Variants in LARGE1 observed in about 807,000 individuals in gnomAD.
LARGE1 encodes LARGE xylosyl- and glucuronyltransferase 1.
In LARGE1, 43 loss-of-function variants were observed where a neutral mutation model predicts 87.6. The observed-to-expected ratio is 0.49, with a 90% CI of 0.38 to 0.63. LARGE1 has a LOEUF of 0.63. Ranked by LOEUF, LARGE1 falls within the 30% of genes least tolerant of loss-of-function variation. The pLI, the probability that LARGE1 is intolerant of heterozygous loss-of-function variation, is 0.00. For synonymous variants in LARGE1, 434 were observed against 394.6 expected (o/e 1.10, Z -1.18); for missense variants, 802 against 1,000.2 (o/e 0.80, Z 2.67).
chr22:33,332,875 C>T (rs957547243), intron 10 of LARGE1, among the ~76,000 whole-genome samples: 2 of 152,194 alleles, frequency 1.3e-5, no homozygotes, highest in African/African-American at 4.8e-5. Context: ...CTTGTCTTGA[C>T]TTATGAGTGC....
chr22:33,083,547 GTC>G, the LARGE1 span, among the ~76,000 whole-genome samples: 2 of 152,204 alleles, frequency 1.3e-5, no homozygotes, highest in Admixed American at 1.3e-4. Flanking sequence ...AACTGACAGA[GTC>G]TCTGTTTCAC....
the LARGE1 span, among the ~76,000 whole-genome samples, chr22:33,080,623 T>C: frequency 6.6e-6 from 1 of 152,232 alleles, no homozygotes; most frequent in Non-Finnish European, 1.5e-5. Context: ...AGAATCAGAA[T>C]ACTGGTGAAC....
the LARGE1 span, among the ~76,000 whole-genome samples, chr22:33,072,797 C>G: frequency 2.6e-5 from 4 of 152,176 alleles, no homozygotes; most frequent in African/African-American, 9.6e-5. Flanking sequence ...TCACCCACCC[C>G]AGACCACAGG....
intron 6 of LARGE1, among the ~76,000 whole-genome samples, chr22:33,526,803 CAATT>C (rs771717764): frequency 1.4e-4 from 21 of 152,328 alleles, no homozygotes; most frequent in Non-Finnish European, 2.6e-4. Flanking sequence ...ATCAAATACT[CAATT>C]AATCCACCAT....
chr22:33,913,411 A>C (rs778636322), intron 1 of LARGE1, among the ~76,000 whole-genome samples: 41 of 152,336 alleles, frequency 2.7e-4, no homozygotes, highest in Non-Finnish European at 4.6e-4. Flanking sequence ...ATGTAACTCC[A>C]TGTGTTAGGT....
At chr22:33,203,136 TGAGA>T (rs1200691497) in intron 11 of LARGE1, among the ~76,000 whole-genome samples, 1 of 147,120 alleles carries the variant, frequency 6.8e-6, no homozygotes, top group East Asian at 2.0e-4. Context: ...CAAGAGAGAA[TGAGA>T]GAGAAAGAGA....
chr22:33,697,828 C>T (rs375653112), intron 2 of LARGE1, among the ~76,000 whole-genome samples: 2 of 152,178 alleles, frequency 1.3e-5, no homozygotes, highest in African/African-American at 4.8e-5. Context: ...CCTTTTCACC[C>T]TACATGTGTG....
chr22:33,190,557 G>A (rs1363036150), intron 11 of LARGE1, among the ~76,000 whole-genome samples: 3 of 152,176 alleles, frequency 2.0e-5, no homozygotes, highest in Non-Finnish European at 4.4e-5. Context: ...TACACACTAG[G>A]GATGGTACAG....
intron 9 of LARGE1, among the ~76,000 whole-genome samples, chr22:33,353,639 G>A (rs1940614207): frequency 6.6e-6 from 1 of 152,176 alleles, no homozygotes; most frequent in African/African-American, 2.4e-5. Flanking sequence ...TTTAGAGAAT[G>A]AAAGACAGAA....
At chr22:33,191,883 T>C (rs1923799894) in intron 11 of LARGE1, among the ~76,000 whole-genome samples, 1 of 152,236 alleles carries the variant, frequency 6.6e-6, no homozygotes, top group Non-Finnish European at 1.5e-5. Flanking sequence ...ACATTAATCA[T>C]AGATTTTCCC....
intron 5 of LARGE1, among the ~76,000 whole-genome samples, chr22:33,592,999 C>A (rs1024438811): frequency 6.6e-6 from 1 of 152,118 alleles, no homozygotes; most frequent in African/African-American, 2.4e-5. Flanking sequence ...ACCACCACAT[C>A]CGGCTAATTT....
At chr22:33,703,149 C>T (rs2066193710) in intron 2 of LARGE1, among the ~76,000 whole-genome samples, 1 of 152,036 alleles carries the variant, frequency 6.6e-6, no homozygotes, top group African/African-American at 2.4e-5. Context: ...AATGAGAACA[C>T]ATGGACACAA....
At chr22:33,511,986 C>A (rs1192307835) in intron 6 of LARGE1, among the ~76,000 whole-genome samples, 1 of 152,112 alleles carries the variant, frequency 6.6e-6, no homozygotes, top group African/African-American at 2.4e-5. Flanking sequence ...GTAGGTTGAC[C>A]ATACAGTTGT....
intron 7 of LARGE1, among the ~76,000 whole-genome samples, chr22:33,391,017 GAGA>G (rs2065500484): frequency 6.6e-6 from 1 of 152,082 alleles, no homozygotes; most frequent in Non-Finnish European, 1.5e-5. Context: ...ATTTTTAGTA[GAGA>G]CAGGGTTACA....
chr22:33,276,562 C>T (rs1929336245), intron 14 of LARGE1, among the ~76,000 whole-genome samples: 2 of 152,182 alleles, frequency 1.3e-5, no homozygotes, highest in African/African-American at 2.4e-5. Context: ...GAGCTCAATA[C>T]GTATCAGTTG....
intron 6 of LARGE1, among the ~76,000 whole-genome samples, chr22:33,499,209 C>T (rs997227939): frequency 1.3e-5 from 2 of 152,114 alleles, no homozygotes; most frequent in Admixed American, 6.5e-5. Flanking sequence ...GGCTTTCTGC[C>T]CTGAACAGGA....
At chr22:33,667,097 G>C (rs911263239) in intron 2 of LARGE1, among the ~76,000 whole-genome samples, 1 of 152,154 alleles carries the variant, frequency 6.6e-6, no homozygotes, top group Non-Finnish European at 1.5e-5. Flanking sequence ...CCTCTATAAG[G>C]GTTATAATTA....
chr22:33,514,056 T>C (rs2071180473), intron 6 of LARGE1, among the ~76,000 whole-genome samples: 1 of 152,218 alleles, frequency 6.6e-6, no homozygotes, highest in African/African-American at 2.4e-5. Context: ...CCATATAGCC[T>C]AGATGTGTGG....
At chr22:33,689,622 A>G (rs1021486285) in intron 2 of LARGE1, among the ~76,000 whole-genome samples, 9 of 152,190 alleles carry the variant, frequency 5.9e-5, no homozygotes, top group Non-Finnish European at 1.2e-4. Context: ...AAATGTAAAG[A>G]AAAAGGTGAG....
Sources: allele counts gnomAD v4.1 joint callset (sites outside exome capture counted in the v4.1 genomes callset), GRCh38; gene constraint gnomAD v4.1.1; transcripts MANE v1.5; gene names NCBI Gene and HGNC (gene_info 2026-07-23, HGNC 2026-07-21).